Variants in FGGY observed in about 807,000 individuals in gnomAD.
FGGY encodes FGGY carbohydrate kinase domain containing.
In FGGY, 72 loss-of-function variants were observed where a neutral mutation model predicts 71.3. The observed-to-expected ratio is 1.01, with a 90% CI of 0.84 to 1.23. The LOEUF (loss-of-function observed/expected upper bound fraction) is 1.23, where lower values mean the gene tolerates loss of function less well. Ranked by LOEUF, FGGY falls within the 50% of genes most tolerant of loss-of-function variation. The pLI is 0.00. For synonymous variants in FGGY, 251 were observed against 250.3 expected (o/e 1.00, Z -0.02); for missense variants, 668 against 682.3 (o/e 0.98, Z 0.23).
chr1:59,559,281 G>A (rs2095746516), intron 8 of FGGY, among the ~76,000 whole-genome samples: 1 of 152,148 alleles, frequency 6.6e-6, no homozygotes, highest in Non-Finnish European at 1.5e-5. Context: ...GTAAAGATTG[G>A]CGTAAGAAAT....
chr1:59,638,735 C>G lies in FGGY; in HGVS notation c.1221+360C>G, dbSNP rs546931042. Among the ~76,000 whole-genome samples the G allele has an allele frequency of 2.6e-5, 4 of 152,358 alleles. 1 individual carries two copies. In the South Asian group the frequency reaches 6.2e-4, roughly 24 times the overall value. The stretch of plus-strand genomic sequence containing the variant: ...CCCAGTAAATCAGTAGTAAATATTA[C>G]CACCCATGGTCTTGCTGGCCACAGC... On this transcript the variant is annotated intron_variant, in intron 11 of 15. Transcript: ENST00000303721.
intron 4 of FGGY, among the ~76,000 whole-genome samples, chr1:59,357,965 G>A (rs1044045421): frequency 2.0e-5 from 3 of 152,054 alleles, no homozygotes; most frequent in African/African-American, 7.3e-5. Flanking sequence ...CACATGGTAT[G>A]ATTCTGTGTC....
intron 5 of FGGY, among the ~76,000 whole-genome samples, chr1:59,421,816 A>AC (rs34899108): frequency 0.17 from 26,043 of 151,912 alleles, 2,689 homozygotes; most frequent in East Asian, 0.35. Flanking sequence ...TGACTAGACT[A>AC]CCACTCCACA....
intron 4 of FGGY, among the ~76,000 whole-genome samples, chr1:59,376,948 T>A (rs1366809014): frequency 6.6e-6 from 1 of 152,214 alleles, no homozygotes; most frequent in Non-Finnish European, 1.5e-5. Context: ...CAAGTTTATC[T>A]CACCTCCAGT....
intron 15 of FGGY, among the ~76,000 whole-genome samples, chr1:59,759,925 T>C (rs2098327984): frequency 6.6e-6 from 1 of 152,260 alleles, no homozygotes; most frequent in South Asian, 2.1e-4. Context: ...TCCAAATTTA[T>C]ATGTGGCTCT....
chr1:59,669,369 T>C (rs2097355196), intron 13 of FGGY, among the ~76,000 whole-genome samples: 1 of 151,992 alleles, frequency 6.6e-6, no homozygotes, highest in East Asian at 1.9e-4. Flanking sequence ...TCCAAAACCC[T>C]ATAGAAGTGG....
At chr1:59,472,232 G>T (rs1377416982) in intron 6 of FGGY, among the ~76,000 whole-genome samples, 1 of 152,250 alleles carries the variant, frequency 6.6e-6, no homozygotes, top group Admixed American at 6.5e-5. Flanking sequence ...GCGGTCGGCC[G>T]GCTCCACCGG....
intron 14 of FGGY, among the ~76,000 whole-genome samples, chr1:59,735,512 G>A (rs529606507): frequency 1.4e-4 from 21 of 152,332 alleles, no homozygotes; most frequent in African/African-American, 4.8e-4. Context: ...TGAATCCACT[G>A]TGCACAGAGG....
chr1:59,380,019 C>A (rs2153340673), intron 5 of FGGY, among the ~76,000 whole-genome samples: 1 of 152,098 alleles, frequency 6.6e-6, no homozygotes, highest in African/African-American at 2.4e-5. Context: ...TTGTTCAATT[C>A]CCACCTATGA....
chr1:59,698,783 G>A lies in FGGY; in HGVS notation c.1512+24650G>A, dbSNP rs115113941. On this transcript the variant is annotated intron_variant, in intron 14 of 15. Coordinates refer to ENST00000303721, the MANE Select transcript of FGGY (RefSeq NM_018291.5). ...CTTAAAGAGAAAGCCCTTTAAAAGC[G>A]CAGCGCATACATTGAGTGCGTGTAC... 777 of 985,390 alleles carry A rather than the reference G, an allele frequency of 7.9e-4. 10 individuals are homozygous for A. The African/African-American group carries it at 0.013, about 16-fold the overall frequency. The allele number at this position is 985,390 out of a possible 1,614,324, so 61.0% of individuals were successfully genotyped here.
At chr1:59,533,994 G>T (rs1369614238) in intron 7 of FGGY, among the ~76,000 whole-genome samples, 1 of 152,242 alleles carries the variant, frequency 6.6e-6, no homozygotes, top group African/African-American at 2.4e-5. Context: ...TGACTTTGAA[G>T]AGCTGAGAGA....
chr1:59,625,347 G>T (rs568351157), intron 9 of FGGY, among the ~76,000 whole-genome samples: 1 of 152,282 alleles, frequency 6.6e-6, no homozygotes, highest in Non-Finnish European at 1.5e-5. Context: ...GATTTCAAAT[G>T]AGAGGTGATT....
intron 14 of FGGY, among the ~76,000 whole-genome samples, chr1:59,744,185 A>T (rs1347155535): frequency 6.6e-6 from 1 of 152,230 alleles, no homozygotes; most frequent in Non-Finnish European, 1.5e-5. Context: ...TTTACAGATG[A>T]GTAAACTGAG....
At chr1:59,314,028 G>A (rs1005981417) in intron 1 of FGGY, among the ~76,000 whole-genome samples, 2 of 151,492 alleles carry the variant, frequency 1.3e-5, no homozygotes, top group African/African-American at 2.4e-5. Context: ...GTGCGGTAGC[G>A]CAATCTCGCT....
chr1:59,649,919 C>T lies in FGGY; in HGVS notation c.1222-10300C>T, dbSNP rs1165236187. Among the ~76,000 whole-genome samples the T allele has an allele frequency of 5.6e-5, 8 of 143,576 alleles. No individual in the cohort carries two copies. In the East Asian group the frequency reaches 7.9e-4, roughly 14 times the overall value. The allele number at this position is 143,576 out of a possible 152,430, so 94.2% of individuals were successfully genotyped here. A position where few individuals can be genotyped will look rare whatever the true frequency, so the allele number is the denominator to read the frequency against. ...AGATAGCTCTTATTATTTTGAAATA[C>T]GTCCCATCAATACCTAATTTCTTGA... On this transcript the variant is annotated intron_variant, in intron 11 of 15. Coordinates refer to ENST00000303721, the MANE Select transcript of FGGY (RefSeq NM_018291.5).
At chr1:59,553,173 G>A (rs72917741) in intron 7 of FGGY, among the ~76,000 whole-genome samples, 1 of 152,154 alleles carries the variant, frequency 6.6e-6, no homozygotes, top group African/African-American at 2.4e-5. Flanking sequence ...CATTGCCTGG[G>A]AGCTGATGAG....
intron 8 of FGGY, among the ~76,000 whole-genome samples, chr1:59,568,466 G>GGT (rs2095916509): frequency 7.4e-6 from 1 of 134,674 alleles, no homozygotes; most frequent in Non-Finnish European, 1.6e-5. Context: ...CGGGGGGGCG[G>GGT]GGGGGGGTGT....
At chr1:59,512,232 G>GT in intron 6 of FGGY, 79 bp from the exon 7 acceptor site, 1 of 1,449,594 alleles carries the variant, frequency 6.9e-7, no homozygotes, top group South Asian at 1.4e-5. Flanking sequence ...AGAGCAAAGA[G>GT]TTTCTCTTAA....
chr1:59,568,656 A>G (rs1288017894), intron 8 of FGGY, among the ~76,000 whole-genome samples: 1 of 152,096 alleles, frequency 6.6e-6, no homozygotes, highest in Non-Finnish European at 1.5e-5. Flanking sequence ...TTCAGGTGTC[A>G]CCTTCCTAAG....
Sources: gnomAD v4.1 joint callset for allele counts (sites outside exome capture counted in the v4.1 genomes callset) on GRCh38, gnomAD v4.1.1 for gene constraint, MANE v1.5 for transcripts, NCBI Gene and HGNC (gene_info 2026-07-23, HGNC 2026-07-21) for gene names.